Variants in PRKN observed in about 807,000 individuals in gnomAD.
PRKN encodes E3 ubiquitin-protein ligase parkin.
Under a neutral mutation model 59.5 loss-of-function variants are expected in PRKN, and 56 were observed. That is an observed-to-expected ratio of 0.94 (90% CI 0.76 to 1.18). The LOEUF (loss-of-function observed/expected upper bound fraction) is 1.18, where lower values mean the gene tolerates loss of function less well. Ranked by LOEUF, PRKN falls within the 50% of genes most tolerant of loss-of-function variation. PRKN has a pLI of 0.00. For synonymous variants in PRKN, 250 were observed against 222.1 expected (o/e 1.13, Z -1.12); for missense variants, 657 against 596.4 (o/e 1.10, Z -1.06).
At chr6:161,507,577 T>C (rs1778220890) in intron 9 of PRKN, among the ~76,000 whole-genome samples, 2 of 152,168 alleles carry the variant, frequency 1.3e-5, no homozygotes, top group Non-Finnish European at 2.9e-5. Flanking sequence ...ACAGCCAAGC[T>C]TTCCTCTCGG....
chr6:161,404,202 A>G (rs1407621272), intron 9 of PRKN, among the ~76,000 whole-genome samples: 1 of 152,136 alleles, frequency 6.6e-6, no homozygotes, highest in African/African-American at 2.4e-5. Flanking sequence ...ACTAGACTCA[A>G]GTTCCCAGCT....
intron 1 of PRKN, among the ~76,000 whole-genome samples, chr6:162,563,943 C>T (rs575491911): frequency 6.6e-6 from 1 of 151,138 alleles, no homozygotes; most frequent in Non-Finnish European, 1.5e-5. Flanking sequence ...AATTAGTAAG[C>T]TTGAATACAG....
intron 7 of PRKN, among the ~76,000 whole-genome samples, chr6:161,589,060 A>T (rs973839176): frequency 5.9e-5 from 9 of 152,236 alleles, no homozygotes; most frequent in African/African-American, 1.9e-4. Context: ...AGGAATGACT[A>T]GAATGAGAAA....
chr6:162,336,790 C>T (rs1274375865), intron 2 of PRKN, among the ~76,000 whole-genome samples: 1 of 152,174 alleles, frequency 6.6e-6, no homozygotes, highest in Non-Finnish European at 1.5e-5. Flanking sequence ...TACTAAATTC[C>T]TAACCATAGA....
In PRKN at chr6:161,442,511, T is replaced by C; in HGVS notation, c.1084-55634A>G. Among the ~76,000 whole-genome samples the C allele has an allele frequency of 6.6e-6, 1 of 152,212 alleles. No homozygotes were observed. The highest frequency in any genetic ancestry group is 1.9e-4 in the East Asian group (1 of 5,188). On this transcript the variant is annotated intron_variant, in intron 9 of 11. Coordinates refer to ENST00000366898, the MANE Select transcript of PRKN (RefSeq NM_004562.3). This position sits in a 1 kb window ranked among gnomAD's most constrained non-coding sequence, Gnocchi z 4.6. Reference sequence around the variant, plus strand: ...ATCTTTTGGATAATTCACATGACCTTCTCCTTAGTGGGCGAGTACAAGAAG... The same window carrying C: ...ATCTTTTGGATAATTCACATGACCTCCTCCTTAGTGGGCGAGTACAAGAAG...
In PRKN at chr6:161,378,234, T is replaced by C. The variant is rs904448968; in HGVS notation, c.1167+8560A>G. 6.6e-6 allele frequency among the ~76,000 whole-genome samples: 1 copy of C among 152,026 alleles called. No individual in the cohort carries two copies. The highest frequency in any genetic ancestry group is 6.5e-5 in the Admixed American group (1 of 15,276). On this transcript the variant is annotated intron_variant, in intron 10 of 11. Transcript: ENST00000366898. This position sits in a 1 kb window ranked among gnomAD's most constrained non-coding sequence, Gnocchi z 7.3. ...ACAGGAGAGCACTTCAACAAGCAGA[T>C]GGAGGGATCCGGCCAGTGGACCACT...
At chr6:162,161,310 C>A (rs1385731463) in intron 4 of PRKN, among the ~76,000 whole-genome samples, 1 of 151,990 alleles carries the variant, frequency 6.6e-6, no homozygotes, top group East Asian at 1.9e-4. Context: ...GCCCAGTACC[C>A]CCTAGGAAGG....
rs200900018 is a variant in PRKN at position 162,230,363 on chromosome 6, C to A, written c.413-29111G>T. ...GCTGTATACCAAGCCAGCTCCTTGG[C>A]TAGAAGCAAGTGGGAAGAAGCACAC... On this transcript the variant is annotated intron_variant, in intron 3 of 11. Coordinates refer to ENST00000366898, the MANE Select transcript of PRKN (RefSeq NM_004562.3). 2.0e-5 allele frequency among the ~76,000 whole-genome samples: 3 copies of A among 152,188 alleles called. No homozygotes were observed. In the East Asian group the frequency reaches 5.8e-4, roughly 29 times the overall value.
intron 5 of PRKN, among the ~76,000 whole-genome samples, chr6:162,025,564 A>G (rs1279734473): frequency 7.8e-6 from 1 of 127,508 alleles, no homozygotes; most frequent in Non-Finnish European, 1.6e-5. Flanking sequence ...GTGATCTCCC[A>G]GTGGCCATAT....
rs147517319 is a variant in PRKN, at chr6:161,581,938, G to A, written c.872-12522C>T. ...GTCCACTCTTCACAGTGCTTAGGGC[G>A]TCCTTCGCTCATACTTCTTTGAACA... On this transcript the variant is annotated intron_variant, in intron 7 of 11. Transcript: ENST00000366898. The surrounding 1 kb of genome is among the most constrained non-coding windows in gnomAD (Gnocchi z 4.5). 3.4e-3 allele frequency among the ~76,000 whole-genome samples: 512 copies of A among 152,242 alleles called. 1 individual carries two copies. The highest frequency in any genetic ancestry group is 5.8e-3 in the Non-Finnish European group (397 of 68,018).
At chr6:162,319,757 C>T (rs975424720) in intron 2 of PRKN, among the ~76,000 whole-genome samples, 3 of 151,916 alleles carry the variant, frequency 2.0e-5, no homozygotes, top group Non-Finnish European at 4.4e-5. Flanking sequence ...TTAAGAGAGA[C>T]AAATTGCAAG....
At chr6:161,510,098 ATCG>A in intron 9 of PRKN, among the ~76,000 whole-genome samples, 1 of 152,194 alleles carries the variant, frequency 6.6e-6, no homozygotes, top group Non-Finnish European at 1.5e-5. Flanking sequence ...AGACATATGC[ATCG>A]TTGAGAGGCA....
At chr6:162,444,982 C>A (rs1167115713) in intron 1 of PRKN, among the ~76,000 whole-genome samples, 2 of 152,102 alleles carry the variant, frequency 1.3e-5, no homozygotes, top group South Asian at 2.1e-4. Context: ...TTTTGATATA[C>A]ATTTTGCCTT....
In PRKN at chr6:161,582,424, A is replaced by ATTATTG. The variant is rs1427554735; in HGVS notation, c.872-13009_872-13008insCAATAA. On this transcript the variant is annotated intron_variant, in intron 7 of 11. Transcript: ENST00000366898. This position sits in a 1 kb window ranked among gnomAD's most constrained non-coding sequence, Gnocchi z 4.4. ...ACTGCATCTGCAGACTATTATTATTATTATTATTATTATTATTTTTGAGAC... is the reference window on the plus strand; with the variant it reads ...ACTGCATCTGCAGACTATTATTATTATTATTGTTATTATTATTATTATTTTTGAGAC... Among the ~76,000 whole-genome samples the ATTATTG allele has an allele frequency of 2.7e-5, 4 of 150,368 alleles. No homozygotes were observed. The highest frequency in any genetic ancestry group is 9.8e-5 in the African/African-American group (4 of 40,854).
At chr6:161,523,752 T>C (rs1778921157) in intron 9 of PRKN, among the ~76,000 whole-genome samples, 1 of 152,242 alleles carries the variant, frequency 6.6e-6, no homozygotes, top group African/African-American at 2.4e-5. Context: ...TAAGTATTTA[T>C]CTTAAAATGG....
At chr6:162,071,439 G>T (rs760848306) in intron 4 of PRKN, among the ~76,000 whole-genome samples, 14 of 151,866 alleles carry the variant, frequency 9.2e-5, no homozygotes, top group Admixed American at 2.6e-4. Context: ...GTATCTCATG[G>T]AATATAGTTT....
In PRKN at chr6:161,352,204, C is replaced by T. The variant is rs546665661; in HGVS notation, c.1286-1993G>A. 3.3e-4 allele frequency among the ~76,000 whole-genome samples: 51 copies of T among 152,270 alleles called. No individual in the cohort carries two copies. Among genetic ancestry groups the T allele is most frequent in the Non-Finnish European group, 5.9e-4 (40 of 68,020 alleles). ...TGCCAAATTTTCCAAGTAATTGGTT[C>T]GGTGCTGTCTCACTTTTATTATTAG... On this transcript the variant is annotated intron_variant, in intron 11 of 11. Transcript: ENST00000366898. The surrounding 1 kb of genome is among the most constrained non-coding windows in gnomAD (Gnocchi z 5.8).
chr6:162,215,676 A>C lies in PRKN; in HGVS notation c.413-14424T>G, dbSNP rs556437798. Among the ~76,000 whole-genome samples, 10 of 143,820 alleles carry C rather than the reference A, an allele frequency of 7.0e-5. No homozygotes were observed. In the South Asian group the frequency reaches 2.2e-3, roughly 31 times the overall value. The allele number at this position is 143,820 out of a possible 152,430, so 94.4% of individuals were successfully genotyped here. A position where few individuals can be genotyped will look rare whatever the true frequency, so the allele number is the denominator to read the frequency against. The stretch of plus-strand genomic sequence containing the variant: ...ATTAAGACTATTGAAATTATTGTTT[A>C]TTCTATCTAATTGGCTTTGGAGTTG... On this transcript the variant is annotated intron_variant, in intron 3 of 11. Transcript: ENST00000366898.
chr6:162,569,569 A>C, intron 1 of PRKN: 1 of 716,862 alleles, frequency 1.4e-6, no homozygotes, highest in Non-Finnish European at 2.6e-6. Flanking sequence ...GGGGTCTCAC[A>C]AGCCCTGGCC....
Sources: gnomAD v4.1 joint callset for allele counts (sites outside exome capture counted in the v4.1 genomes callset) on GRCh38, gnomAD v4.1.1 for gene constraint, Gnocchi (gnomAD v3.1) non-coding constraint, MANE v1.5 for transcripts, NCBI Gene and HGNC (gene_info 2026-07-23, HGNC 2026-07-21) for gene names.